NRXN3: variants seen among roughly 807,000 people sequenced by gnomAD.
NRXN3 encodes neurexin 3.
A neutral mutation model predicts 137.6 loss-of-function variants in NRXN3; 32 were observed. The ratio of observed to expected loss-of-function variants is 0.23; its 90% confidence interval spans 0.18 to 0.31. The LOEUF (loss-of-function observed/expected upper bound fraction) is 0.31. Among genes scored for constraint, NRXN3 ranks in the 10% least tolerant of loss-of-function variants. NRXN3 has a pLI of 1.00. For missense variants in NRXN3, 1,574 were observed against 2,062.5 expected, an observed-to-expected ratio of 0.76 and a Z score of 4.59; for synonymous variants, 798 against 784.5, an observed-to-expected ratio of 1.02 and a Z score of -0.29.
At chr14:79,827,944 C>T (rs1318118062) in intron 20 of NRXN3, among the ~76,000 whole-genome samples, 1 of 152,096 alleles carries the variant, frequency 6.6e-6, no homozygotes, top group Non-Finnish European at 1.5e-5. Flanking sequence ...GATTTGCCCG[C>T]CTTGGTCAAT....
chr14:78,978,179 G>A (rs936596326), intron 14 of NRXN3, among the ~76,000 whole-genome samples: 3 of 152,140 alleles, frequency 2.0e-5, no homozygotes, highest in Admixed American at 2.0e-4. Flanking sequence ...AGAAGAGGAA[G>A]CCATAAGCAT....
intron 15 of NRXN3, among the ~76,000 whole-genome samples, chr14:79,373,531 G>T (rs1213217675): frequency 6.6e-6 from 1 of 152,102 alleles, no homozygotes; most frequent in African/African-American, 2.4e-5. Flanking sequence ...TTATTTTACT[G>T]TTTCATTTCT....
rs150100623 is a variant in NRXN3, at chr14:78,598,368, C to CAG, written c.758-46737_758-46736dup. On this transcript the variant is annotated intron_variant, in intron 4 of 20. Transcript: ENST00000335750. ...GCACAACTCCTGACCTGAGATTCTG[C>CAG]AGAGAGAGAGAGAGAGGGAGGGAGG... Among the ~76,000 whole-genome samples, 693 of 149,172 alleles carry CAG rather than the reference C, an allele frequency of 4.6e-3. 5 individuals carry two copies. Among genetic ancestry groups the CAG allele is most frequent in the African/African-American group, 0.014 (584 of 41,122 alleles).
chr14:79,388,133 T>C (rs1244413215), intron 15 of NRXN3, among the ~76,000 whole-genome samples: 1 of 151,508 alleles, frequency 6.6e-6, no homozygotes, highest in East Asian at 1.9e-4. Flanking sequence ...TTTTAAAAAG[T>C]GTGTGGCGTC....
intron 15 of NRXN3, among the ~76,000 whole-genome samples, chr14:79,244,570 T>C (rs2074872083): frequency 6.6e-6 from 1 of 152,096 alleles, no homozygotes; most frequent in Admixed American, 6.6e-5. Flanking sequence ...TAGAGGTTTG[T>C]CAGAAAATTC....
chr14:79,433,796 A>G (rs547072730), intron 15 of NRXN3, among the ~76,000 whole-genome samples: 1 of 152,188 alleles, frequency 6.6e-6, no homozygotes, highest in Non-Finnish European at 1.5e-5. Context: ...GGTCTAGCTA[A>G]AACTTTATTC....
chr14:78,403,126 T>C (rs1023883428), intron 4 of NRXN3, among the ~76,000 whole-genome samples: 4 of 152,214 alleles, frequency 2.6e-5, no homozygotes, highest in Admixed American at 6.5e-5. Context: ...GGCTATGTTT[T>C]GGATCTGAAA....
At chr14:79,370,747 T>A (rs1345371712) in intron 15 of NRXN3, among the ~76,000 whole-genome samples, 2 of 152,196 alleles carry the variant, frequency 1.3e-5, no homozygotes, top group Non-Finnish European at 2.9e-5. Flanking sequence ...AATCTTTTTC[T>A]AATAAACTTT....
In NRXN3 at chr14:79,141,735, G is replaced by T. The variant is rs189346546; in HGVS notation, c.3262+153594G>T. Among the ~76,000 whole-genome samples, 226 of 152,198 alleles carry T rather than the reference G, an allele frequency of 1.5e-3. 2 individuals carry two copies. Among genetic ancestry groups the T allele is most frequent in the African/African-American group, 5.3e-3 (219 of 41,506 alleles). Reference sequence around the variant, plus strand: ...CACTTCTGTCTTGTCTCTTCTCCCTGGTTTTAAACCTGTGCCTTGTCATAA... The same window carrying T: ...CACTTCTGTCTTGTCTCTTCTCCCTTGTTTTAAACCTGTGCCTTGTCATAA... On this transcript the variant is annotated intron_variant, in intron 15 of 20. Transcript: ENST00000335750.
chr14:79,135,055 C>CTG (rs531462061), intron 15 of NRXN3, among the ~76,000 whole-genome samples: 85 of 152,288 alleles, frequency 5.6e-4, no homozygotes, highest in African/African-American at 1.7e-3. Flanking sequence ...TTTTTACTCT[C>CTG]TCTTGTATAT....
At chr14:79,139,403 GA>G (rs1437590704) in intron 15 of NRXN3, among the ~76,000 whole-genome samples, 1 of 152,118 alleles carries the variant, frequency 6.6e-6, no homozygotes, top group Non-Finnish European at 1.5e-5. Flanking sequence ...TCGGTTATAA[GA>G]AAAGGAAGTC....
At chr14:78,824,212 G>A (rs977744204) in intron 10 of NRXN3, among the ~76,000 whole-genome samples, 3 of 146,712 alleles carry the variant, frequency 2.0e-5, no homozygotes, top group Non-Finnish European at 4.5e-5. Context: ...AATATACTAA[G>A]GCATATCTAC....
intron 15 of NRXN3, among the ~76,000 whole-genome samples, chr14:79,337,694 C>A (rs1001443462): frequency 5.3e-5 from 8 of 152,284 alleles, no homozygotes; most frequent in Middle Eastern, 3.4e-3. Context: ...ACATTTCTGG[C>A]TGCCAATTCC....
intron 10 of NRXN3, among the ~76,000 whole-genome samples, chr14:78,882,925 G>T (rs1220361795): frequency 6.6e-6 from 1 of 151,782 alleles, no homozygotes. Flanking sequence ...CCAGTGGGAG[G>T]TACTTGAATC....
At chr14:79,721,552 C>T (rs1033228005) in intron 19 of NRXN3, among the ~76,000 whole-genome samples, 9 of 151,858 alleles carry the variant, frequency 5.9e-5, no homozygotes, top group African/African-American at 1.2e-4. Flanking sequence ...ACAGAATCTA[C>T]GGGAATGATT....
intron 1 of NRXN3, among the ~76,000 whole-genome samples, chr14:78,179,818 T>C (rs2059623574): frequency 1.9e-5 from 1 of 52,850 alleles, no homozygotes; most frequent in Admixed American, 2.0e-4. Context: ...TTGTTTTTTT[T>C]TTTTTGTTTG....
intron 19 of NRXN3, among the ~76,000 whole-genome samples, chr14:79,712,840 T>C (rs1184945164): frequency 2.0e-5 from 3 of 152,206 alleles, no homozygotes; most frequent in African/African-American, 7.2e-5. Context: ...TCCTTGCTCG[T>C]CATGCTGGAA....
intron 15 of NRXN3, among the ~76,000 whole-genome samples, chr14:79,112,552 G>A (rs2053715427): frequency 1.3e-5 from 2 of 152,180 alleles, no homozygotes; most frequent in South Asian, 2.1e-4. Flanking sequence ...TAAAGAACTG[G>A]CATCTTTGCT....
intron 4 of NRXN3, among the ~76,000 whole-genome samples, chr14:78,402,783 C>T (rs1172161471): frequency 6.6e-6 from 1 of 152,136 alleles, no homozygotes; most frequent in Non-Finnish European, 1.5e-5. Context: ...ACTGATTAGA[C>T]ATATCTTATA....
Sources: allele counts gnomAD v4.1 joint callset (sites outside exome capture counted in the v4.1 genomes callset), GRCh38; gene constraint gnomAD v4.1.1; transcripts MANE v1.5; gene names NCBI Gene and HGNC (gene_info 2026-07-23, HGNC 2026-07-21).